The following EVA1C variants were observed in gnomAD, a reference collection of about 807,000 sequenced individuals.
EVA1C encodes protein eva-1 homolog C.
A neutral mutation model predicts 45.4 loss-of-function variants in EVA1C; 25 were observed. That is an observed-to-expected ratio of 0.55 (90% CI 0.40 to 0.77). EVA1C has a LOEUF of 0.77. EVA1C is among the 30% of genes least tolerant of loss of function. EVA1C has a pLI of 0.00. For synonymous variants in EVA1C, 190 were observed against 221.2 expected, an observed-to-expected ratio of 0.86 and a Z score of 1.25; for missense variants, 479 against 554.8, an observed-to-expected ratio of 0.86 and a Z score of 1.37.
chr21:32,504,717 T>C (rs2037666850), intron 7 of EVA1C, among the ~76,000 whole-genome samples: 1 of 152,222 alleles, frequency 6.6e-6, no homozygotes, highest in Non-Finnish European at 1.5e-5. Context: ...GTAAAATACA[T>C]GTTAATATAA....
chr21:32,485,713 CATT>C (rs1288351650), intron 4 of EVA1C, among the ~76,000 whole-genome samples: 2 of 152,172 alleles, frequency 1.3e-5, no homozygotes, highest in Non-Finnish European at 2.9e-5. Context: ...TAAGTGGAGA[CATT>C]ATGTTTAAGG....
chr21:32,445,441 G>A (rs2035329737), intron 1 of EVA1C, among the ~76,000 whole-genome samples: 1 of 152,192 alleles, frequency 6.6e-6, no homozygotes, highest in African/African-American at 2.4e-5. Flanking sequence ...AGCGATGTAT[G>A]TAGCTTTTTA....
Position 32,416,321 on chromosome 21 carries a change from CTTTTT to C in EVA1C, c.160+3323_160+3327del, listed in dbSNP as rs909665670. On this transcript the variant is annotated intron_variant, in intron 1 of 7. Transcript: ENST00000300255. ...TTTCTCTCCTTTTCTTTTTCTTTTT[CTTTTT>C]TTTTTTTTTTTTTTCTTTTTGAGAC... 9.6e-3 allele frequency among the ~76,000 whole-genome samples: 1,293 copies of C among 134,230 alleles called. 8 individuals carry two copies. The highest frequency in any genetic ancestry group is 0.029 in the Admixed American group (368 of 12,780). 88.1% of individuals were successfully genotyped at this position (134,230 alleles called of 152,430 possible).
chr21:32,486,868 T>C (rs2036988307), intron 4 of EVA1C, among the ~76,000 whole-genome samples: 1 of 152,250 alleles, frequency 6.6e-6, no homozygotes, highest in Non-Finnish European at 1.5e-5. Context: ...TTTGTATTTA[T>C]ACAAATATGT....
intron 4 of EVA1C, among the ~76,000 whole-genome samples, chr21:32,492,396 G>A (rs1004230164): frequency 6.6e-5 from 10 of 152,264 alleles, no homozygotes; most frequent in African/African-American, 2.4e-4. Flanking sequence ...ATGCAGGGGA[G>A]GCATAGAGAT....
intron 1 of EVA1C, among the ~76,000 whole-genome samples, chr21:32,415,952 C>T (rs1285436741): frequency 1.3e-5 from 2 of 152,178 alleles, no homozygotes; most frequent in Admixed American, 1.3e-4. Context: ...GAGGATTTGG[C>T]TTGAGACGTC....
intron 1 of EVA1C, among the ~76,000 whole-genome samples, chr21:32,424,241 T>G (rs1055240150): frequency 6.6e-5 from 10 of 152,230 alleles, no homozygotes; most frequent in Admixed American, 3.9e-4. Context: ...CTTTTCATGT[T>G]CAGTGGCTTC....
chr21:32,497,657 T>C (rs1417849984), intron 5 of EVA1C, among the ~76,000 whole-genome samples: 1 of 152,116 alleles, frequency 6.6e-6, no homozygotes, highest in African/African-American at 2.4e-5. Context: ...CTAATTGTAT[T>C]AGTCCATTTT....
intron 1 of EVA1C, among the ~76,000 whole-genome samples, chr21:32,422,303 G>C (rs1453982493): frequency 2.0e-5 from 3 of 152,108 alleles, no homozygotes; most frequent in African/African-American, 7.2e-5. Context: ...AGCAAAACAG[G>C]TAAACATATG....
At position 32,421,498 on chromosome 21, in the gene EVA1C, T is replaced by C. The variant is rs184485049; in HGVS notation, c.160+8485T>C. On this transcript the variant is annotated intron_variant, in intron 1 of 7. Coordinates refer to ENST00000300255, the MANE Select transcript of EVA1C (RefSeq NM_058187.5). ...TCTTGAGATGGTGTAATCAAAATTC[T>C]GCCTTTTGGAGAGTCTGGGTTTTGA... Among the ~76,000 whole-genome samples, 446 of 152,312 alleles carry C rather than the reference T, an allele frequency of 2.9e-3. 10 individuals are homozygous for C. Among genetic ancestry groups the C allele is most frequent in the Admixed American group, 0.025 (379 of 15,294 alleles).
intron 3 of EVA1C, among the ~76,000 whole-genome samples, chr21:32,466,367 A>C (rs188842103): frequency 1.3e-5 from 2 of 151,504 alleles, no homozygotes; most frequent in Admixed American, 1.3e-4. Context: ...TGCAGTGAGC[A>C]GAGATCGTGC....
intron 4 of EVA1C, among the ~76,000 whole-genome samples, chr21:32,483,999 T>C (rs1399642943): frequency 6.6e-6 from 1 of 151,566 alleles, no homozygotes; most frequent in African/African-American, 2.4e-5. Context: ...TGTGTGTGTG[T>C]ATTTAAATAT....
chr21:32,505,514 T>C (rs1264149905), intron 7 of EVA1C, among the ~76,000 whole-genome samples: 2 of 152,228 alleles, frequency 1.3e-5, no homozygotes, highest in African/African-American at 4.8e-5. Flanking sequence ...AGCTGTGGCC[T>C]TGCTGTGTGC....
intron 1 of EVA1C, among the ~76,000 whole-genome samples, chr21:32,430,856 C>G (rs967279700): frequency 6.6e-6 from 1 of 151,534 alleles, no homozygotes; most frequent in Non-Finnish European, 1.5e-5. Context: ...GCCTGTTGTC[C>G]CAGATTCTCG....
At chr21:32,462,217 T>C (rs796676529) in intron 3 of EVA1C, among the ~76,000 whole-genome samples, 9 of 136,800 alleles carry the variant, frequency 6.6e-5, no homozygotes, top group Non-Finnish European at 9.3e-5. Flanking sequence ...GAGACCCCTA[T>C]CTCTAAAAAA....
chr21:32,515,291 C>A lies in EVA1C; in HGVS notation c.*101C>A. Reference sequence around the variant, plus strand: ...CCTGTACCTTCTATGAAGGAGAATTCGTCATGTCATTCAACACTCGTGAGG... The same window carrying A: ...CCTGTACCTTCTATGAAGGAGAATTAGTCATGTCATTCAACACTCGTGAGG... On this transcript the variant is annotated 3_prime_UTR_variant, in exon 8 of 8. Coordinates refer to ENST00000300255, the MANE Select transcript of EVA1C (RefSeq NM_058187.5). The A allele has an allele frequency of 1.5e-6, 2 of 1,312,454 alleles. No individual in the cohort carries two copies. Among genetic ancestry groups the A allele is most frequent in the South Asian group, 1.6e-5 (1 of 64,252 alleles). The allele number at this position is 1,312,454 out of a possible 1,614,324, so 81.3% of individuals were successfully genotyped here.
intron 1 of EVA1C, among the ~76,000 whole-genome samples, chr21:32,413,746 GA>G (rs1478663278): frequency 2.0e-5 from 3 of 152,188 alleles, no homozygotes; most frequent in African/African-American, 7.2e-5. Flanking sequence ...CTAGGTTGAC[GA>G]TAGCCATAGG....
At chr21:32,463,076 T>C (rs1056914008) in intron 3 of EVA1C, among the ~76,000 whole-genome samples, 6 of 152,210 alleles carry the variant, frequency 3.9e-5, no homozygotes, top group East Asian at 1.9e-4. Flanking sequence ...TTTGTGACTG[T>C]TGTATCGAAA....
intron 3 of EVA1C, among the ~76,000 whole-genome samples, chr21:32,463,963 C>G (rs1343514937): frequency 6.6e-6 from 1 of 152,114 alleles, no homozygotes; most frequent in Non-Finnish European, 1.5e-5. Context: ...TGTTTCTATC[C>G]AAGCCCTCTT....
Sources: allele counts gnomAD v4.1 joint callset (sites outside exome capture counted in the v4.1 genomes callset), GRCh38; gene constraint gnomAD v4.1.1; transcripts MANE v1.5; gene names NCBI Gene and HGNC (gene_info 2026-07-23, HGNC 2026-07-21).